RBFOX3: variants seen among roughly 807,000 people sequenced by gnomAD.
The protein encoded by RBFOX3 is RNA binding protein fox-1 homolog 3.
Under a neutral mutation model 48.7 loss-of-function variants are expected in RBFOX3, and 17 were observed. The ratio of observed to expected loss-of-function variants is 0.35; its 90% CI spans 0.24 to 0.52. The LOEUF (loss-of-function observed/expected upper bound fraction) is 0.52, where lower values mean the gene tolerates loss of function less well. Among genes scored for constraint, RBFOX3 ranks in the 20% least tolerant of loss-of-function variants. RBFOX3 has a pLI of 0.94. For synonymous variants in RBFOX3, 212 were observed against 209.5 expected, an observed-to-expected ratio of 1.01 and a Z score of -0.10; for missense variants, 382 against 497.5, an observed-to-expected ratio of 0.77 and a Z score of 2.21.
At chr17:79,263,441 CT>C (rs1407571544) in intron 3 of RBFOX3, among the ~76,000 whole-genome samples, 1 of 152,254 alleles carries the variant, frequency 6.6e-6, no homozygotes, top group Non-Finnish European at 1.5e-5. Context: ...CAGAGGCCTT[CT>C]GCCCCTGGTC....
At chr17:79,427,079 C>T (rs1463945020) in intron 2 of RBFOX3, among the ~76,000 whole-genome samples, 1 of 152,178 alleles carries the variant, frequency 6.6e-6, no homozygotes, top group Non-Finnish European at 1.5e-5. Context: ...CCCTCAGTTC[C>T]CGCCAATCCC....
At chr17:79,232,948 G>A (rs763392694) in intron 4 of RBFOX3, among the ~76,000 whole-genome samples, 11 of 152,170 alleles carry the variant, frequency 7.2e-5, no homozygotes, top group Admixed American at 2.0e-4. Flanking sequence ...TTGGAAAACC[G>A]TTTGGCACTT....
intron 2 of RBFOX3, among the ~76,000 whole-genome samples, chr17:79,450,359 G>C (rs1387341104): frequency 6.6e-6 from 1 of 152,110 alleles, no homozygotes; most frequent in Non-Finnish European, 1.5e-5. Flanking sequence ...AATAAAACGG[G>C]GAAAAAACAC....
intron 2 of RBFOX3, among the ~76,000 whole-genome samples, chr17:79,463,194 CCGCCAT>C (rs2075688234): frequency 6.8e-6 from 1 of 146,924 alleles, no homozygotes; most frequent in African/African-American, 2.5e-5. Flanking sequence ...GCCACTGCCA[CCGCCAT>C]CGCCACTGCC....
chr17:79,630,495 C>T, the RBFOX3 span, among the ~76,000 whole-genome samples: 1 of 152,164 alleles, frequency 6.6e-6, no homozygotes, highest in Admixed American at 6.5e-5. Flanking sequence ...TGCCTCTTGA[C>T]AGTCCTTTCC....
At chr17:79,163,681 T>TGCC (rs2047419888) in intron 4 of RBFOX3, among the ~76,000 whole-genome samples, 1 of 147,684 alleles carries the variant, frequency 6.8e-6, no homozygotes. Flanking sequence ...CCTAGAGGGA[T>TGCC]GCCCCCCACC....
chr17:79,615,401 G>C (rs1051933921), upstream of RBFOX3, among the ~76,000 whole-genome samples: 2 of 152,078 alleles, frequency 1.3e-5, no homozygotes, highest in Non-Finnish European at 2.9e-5. Context: ...TCTAGTAAGC[G>C]GGCAGGGATC....
rs1199321165 is a variant in RBFOX3 at position 79,550,773 on chromosome 17, GTGGGTGGGTGGATGGATGGA to G, written c.-320+60033_-320+60052del. On this transcript the variant is annotated intron_variant, in intron 1 of 14. Coordinates refer to ENST00000693108, the MANE Select transcript of RBFOX3 (RefSeq NM_001350451.2). ...GATAGGTGGCTGTGTGGATGAATGC[GTGGGTGGGTGGATGGATGGA>G]TGGTCAGTGAGTGGGTTGATTTATG... 2.2e-3 allele frequency among the ~76,000 whole-genome samples: 337 copies of G among 152,236 alleles called. 5 individuals carry two copies. The South Asian group carries it at 0.034, about 16-fold the overall frequency.
intron 4 of RBFOX3, among the ~76,000 whole-genome samples, chr17:79,125,730 G>A (rs1448211827): frequency 2.0e-5 from 3 of 152,238 alleles, no homozygotes; most frequent in Admixed American, 6.5e-5. Context: ...CGGGAAGGGC[G>A]CCGCGTGGCC....
intron 4 of RBFOX3, among the ~76,000 whole-genome samples, chr17:79,117,995 T>C (rs576299045): frequency 3.6e-4 from 55 of 152,278 alleles, no homozygotes; most frequent in African/African-American, 1.2e-3. Context: ...CTTCTGTTTA[T>C]GGCCCCAAAC....
At chr17:79,281,742 C>A (rs56098049) in intron 3 of RBFOX3, among the ~76,000 whole-genome samples, 28,007 of 152,248 alleles carry the variant, frequency 0.18, 3,027 homozygotes, top group Non-Finnish European at 0.25. Context: ...TCCTCAAGGG[C>A]TTTTCACACA....
chr17:79,534,344 T>C (rs2088332364), intron 1 of RBFOX3, among the ~76,000 whole-genome samples: 2 of 152,180 alleles, frequency 1.3e-5, no homozygotes, highest in South Asian at 4.1e-4. Context: ...GGCTGTAGGA[T>C]TGCAGTCATC....
chr17:79,514,282 G>A (rs1381616092), intron 1 of RBFOX3, among the ~76,000 whole-genome samples: 2 of 152,142 alleles, frequency 1.3e-5, no homozygotes, highest in African/African-American at 4.8e-5. Context: ...CCTCTGCAGT[G>A]GGCTACATTC....
At chr17:79,385,999 A>C (rs1445401775) in intron 2 of RBFOX3, among the ~76,000 whole-genome samples, 1 of 141,272 alleles carries the variant, frequency 7.1e-6, no homozygotes, top group African/African-American at 2.7e-5. Context: ...CCATTACAGA[A>C]GGAGCTCCAT....
At chr17:79,355,053 T>C (rs191906055) in intron 2 of RBFOX3, among the ~76,000 whole-genome samples, 34 of 152,348 alleles carry the variant, frequency 2.2e-4, no homozygotes, top group Non-Finnish European at 4.0e-4. Flanking sequence ...CCTCTCCTCT[T>C]TATAGCCCCA....
intron 14 of RBFOX3, chr17:79,092,320 G>T: frequency 1.0e-6 from 1 of 985,544 alleles, no homozygotes; most frequent in South Asian, 4.7e-5. Context: ...AATGGCTTGG[G>T]TAGTACAACA....
rs2078521050 is a variant in RBFOX3, at chr17:79,479,862, C to A, written c.-175+2592G>T. On this transcript the variant is annotated intron_variant, in intron 2 of 14. Transcript: ENST00000693108. The surrounding 1 kb of genome is among the most constrained non-coding windows in gnomAD (Gnocchi z 5.1). Reference sequence around the variant, plus strand: ...CCTGCAGGATGTCTGTACGTCAGGGCCCTCCCCTAGGGACAGAGCTGCACG... The same window carrying A: ...CCTGCAGGATGTCTGTACGTCAGGGACCTCCCCTAGGGACAGAGCTGCACG... 6.6e-6 allele frequency among the ~76,000 whole-genome samples: 1 copy of A among 152,200 alleles called. No individual in the cohort carries two copies. Among genetic ancestry groups the A allele is most frequent in the African/African-American group, 2.4e-5 (1 of 41,454 alleles).
Position 79,115,611 on chromosome 17 carries a change from G to T in RBFOX3, c.105C>A (p.Gly35=). Residue 35 remains glycine (G), a synonymous_variant, in exon 5 of 15, where the codon GGC becomes GGA. Transcript: ENST00000693108. ...CATGCTCTGTGGGGACCGGGGTCTG[G>T]CCGGAGTAGTCCTGCGTGGGGTGCG... is the stretch of plus-strand genomic sequence containing the variant. ...PPPHPTQDYS[G]QTPVPTEHGM... 1 of 1,436,462 alleles carries T rather than the reference G, an allele frequency of 7.0e-7. No individual in the cohort carries two copies. Among genetic ancestry groups the T allele is most frequent in the South Asian group, 1.5e-5 (1 of 67,352 alleles). 89.0% of individuals were successfully genotyped at this position (1,436,462 alleles called of 1,614,324 possible).
chr17:79,658,450 C>A, the RBFOX3 span, among the ~76,000 whole-genome samples: 2 of 149,038 alleles, frequency 1.3e-5, no homozygotes, highest in African/African-American at 5.0e-5. Context: ...TCTCCTCCTC[C>A]TCCACCCCTC....
Sources: gnomAD v4.1 joint callset for allele counts (sites outside exome capture counted in the v4.1 genomes callset) on GRCh38, gnomAD v4.1.1 for gene constraint, Gnocchi (gnomAD v3.1) non-coding constraint, MANE v1.5 for transcripts, NCBI Gene and HGNC (gene_info 2026-07-23, HGNC 2026-07-21) for gene names.